PIK3C2G: variants seen among roughly 807,000 people sequenced by gnomAD.
The protein encoded by PIK3C2G is phosphatidylinositol-4-phosphate 3-kinase catalytic subunit type 2 gamma.
A neutral mutation model predicts 181.1 loss-of-function variants in PIK3C2G; 168 were observed. The ratio of observed to expected loss-of-function variants is 0.93; its 90% CI spans 0.82 to 1.05. The LOEUF is 1.05. PIK3C2G is among the 50% of genes least tolerant of loss of function. The pLI is 0.00. For synonymous variants in PIK3C2G, 573 were observed against 592.2 expected, an observed-to-expected ratio of 0.97 and a Z score of 0.47; for missense variants, 1,869 against 1,732.8, an observed-to-expected ratio of 1.08 and a Z score of -1.40.
At chr12:18,479,815 GGGCTCTT>G (rs1475146490) in intron 18 of PIK3C2G, among the ~76,000 whole-genome samples, 3 of 152,132 alleles carry the variant, frequency 2.0e-5, no homozygotes, top group Non-Finnish European at 4.4e-5. Flanking sequence ...CCAGAAAGCT[GGGCTCTT>G]GTCATAGGTC....
intron 1 of PIK3C2G, among the ~76,000 whole-genome samples, chr12:18,263,177 A>C (rs1348991752): frequency 6.6e-6 from 1 of 152,032 alleles, no homozygotes; most frequent in African/African-American, 2.4e-5. Context: ...TTTATCTCAA[A>C]GTTTTTCTAA....
chr12:18,553,438 T>C (rs528013403), intron 26 of PIK3C2G, among the ~76,000 whole-genome samples: 6 of 152,156 alleles, frequency 3.9e-5, no homozygotes, highest in African/African-American at 1.2e-4. Context: ...GTCACTTTCA[T>C]AAGGCATCTA....
At chr12:18,501,060 G>T (rs563442360) in intron 22 of PIK3C2G, among the ~76,000 whole-genome samples, 1 of 151,340 alleles carries the variant, frequency 6.6e-6, no homozygotes, top group East Asian at 1.9e-4. Flanking sequence ...GAACACATCC[G>T]AACATCAGAA....
At chr12:18,264,062 T>TG (rs1948369419) in intron 1 of PIK3C2G, among the ~76,000 whole-genome samples, 1 of 152,188 alleles carries the variant, frequency 6.6e-6, no homozygotes, top group Non-Finnish European at 1.5e-5. Flanking sequence ...TTGTTGTTTT[T>TG]GTTGTTGTTT....
At chr12:18,683,327 G>A in the PIK3C2G span, 1 of 1,611,818 alleles carries the variant, frequency 6.2e-7, no homozygotes, top group South Asian at 1.1e-5. Context: ...ACGATAACCT[G>A]CAAAAGGAAT....
intron 1 of PIK3C2G, among the ~76,000 whole-genome samples, chr12:18,254,819 TC>T (rs1948127948): frequency 1.3e-5 from 2 of 151,770 alleles, no homozygotes; most frequent in African/African-American, 4.8e-5. Context: ...ACCATTGAAC[TC>T]CAGCCTAGGT....
chr12:18,326,905 A>G (rs1951370579), intron 8 of PIK3C2G, among the ~76,000 whole-genome samples: 1 of 152,134 alleles, frequency 6.6e-6, no homozygotes, highest in Non-Finnish European at 1.5e-5. Flanking sequence ...CTGCTCACAT[A>G]TCATAGACAT....
At chr12:18,280,368 A>G (rs1949160068) in intron 1 of PIK3C2G, among the ~76,000 whole-genome samples, 1 of 152,040 alleles carries the variant, frequency 6.6e-6, no homozygotes, top group South Asian at 2.1e-4. Flanking sequence ...GAAAATATAC[A>G]GTAGTTTTAC....
At chr12:18,683,388 T>G in the PIK3C2G span, 1 of 1,545,032 alleles carries the variant, frequency 6.5e-7, no homozygotes, top group Non-Finnish European at 8.9e-7. Context: ...TCCAATAGCC[T>G]TGCTGAGAAA....
intron 8 of PIK3C2G, among the ~76,000 whole-genome samples, chr12:18,328,593 C>T (rs993364931): frequency 2.6e-5 from 4 of 151,806 alleles, no homozygotes; most frequent in Non-Finnish European, 4.4e-5. Flanking sequence ...TATAAGTCAA[C>T]CCTCCACCAC....
chr12:18,675,062 C>T, the PIK3C2G span, among the ~76,000 whole-genome samples: 2 of 152,178 alleles, frequency 1.3e-5, no homozygotes, highest in Non-Finnish European at 2.9e-5. Flanking sequence ...ATGGTAGCTA[C>T]TAGCCACTGA....
intron 24 of PIK3C2G, among the ~76,000 whole-genome samples, chr12:18,533,698 G>A (rs955998490): frequency 6.6e-5 from 10 of 151,920 alleles, no homozygotes; most frequent in Non-Finnish European, 5.9e-5. Flanking sequence ...ATCTATTATA[G>A]AAGCCCAGTA....
intron 11 of PIK3C2G, 129 bp from the exon 12 acceptor site, chr12:18,362,635 T>C (rs1941341163): frequency 3.0e-6 from 2 of 656,854 alleles, no homozygotes; most frequent in Non-Finnish European, 2.4e-6. Context: ...AAGCAATTTT[T>C]AAAGCATGCT....
At chr12:18,329,620 T>C (rs2137530211) in intron 8 of PIK3C2G, among the ~76,000 whole-genome samples, 1 of 152,156 alleles carries the variant, frequency 6.6e-6, no homozygotes, top group East Asian at 1.9e-4. Context: ...TCATTTTCAT[T>C]GTTGTGTAAT....
chr12:18,462,652 T>C (rs932086921), intron 18 of PIK3C2G, among the ~76,000 whole-genome samples: 1 of 152,190 alleles, frequency 6.6e-6, no homozygotes, highest in Non-Finnish European at 1.5e-5. Flanking sequence ...GTTGTTAGGC[T>C]GCAAGAGAAT....
chr12:18,351,451 C>T (rs1940204843), intron 11 of PIK3C2G, among the ~76,000 whole-genome samples: 1 of 152,094 alleles, frequency 6.6e-6, no homozygotes, highest in Admixed American at 6.6e-5. Context: ...GAACAACAAA[C>T]AAGTCCTATA....
At chr12:18,633,747 T>A (rs1000406001) in intron 31 of PIK3C2G, among the ~76,000 whole-genome samples, 1 of 152,204 alleles carries the variant, frequency 6.6e-6, no homozygotes, top group African/African-American at 2.4e-5. Flanking sequence ...GTTCAGAGGC[T>A]TGAAGAGCTC....
downstream of PIK3C2G, among the ~76,000 whole-genome samples, chr12:18,650,225 C>T (rs142114224): frequency 2.0e-5 from 3 of 151,754 alleles, no homozygotes; most frequent in African/African-American, 7.3e-5. Context: ...CACATCCTTT[C>T]CCCTCCTAGT....
intron 5 of PIK3C2G, among the ~76,000 whole-genome samples, 146 bp from the exon 6 acceptor site, chr12:18,313,804 TCACACACACACA>T (rs5796752): frequency 1.3e-5 from 2 of 149,472 alleles, no homozygotes; most frequent in African/African-American, 4.9e-5. Context: ...GCATATATAT[TCACACACACACA>T]CACACACACA....
Sources: allele counts gnomAD v4.1 joint callset (sites outside exome capture counted in the v4.1 genomes callset), GRCh38; gene constraint gnomAD v4.1.1; transcripts MANE v1.5; gene names NCBI Gene and HGNC (gene_info 2026-07-23, HGNC 2026-07-21).